DIP2B: variants seen among roughly 807,000 people sequenced by gnomAD.
DIP2B encodes the protein disco-interacting protein 2 homolog B.
DIP2B carries 76 observed loss-of-function variants against 198.0 expected under a neutral mutation model. The observed-to-expected ratio is 0.38, with a 90% CI of 0.32 to 0.46. The LOEUF (loss-of-function observed/expected upper bound fraction) is 0.46, where lower values mean the gene tolerates loss of function less well. Ranked by LOEUF, DIP2B falls within the 20% of genes least tolerant of loss-of-function variation. DIP2B has a pLI of 0.99. For missense variants in DIP2B, 1,559 were observed against 1,978.4 expected (o/e 0.79, Z 4.02); for synonymous variants, 701 against 739.1 (o/e 0.95, Z 0.84).
At chr12:50,640,639 A>G in intron 2 of DIP2B, 85 bp from the exon 3 acceptor site, 2 of 1,452,116 alleles carry the variant, frequency 1.4e-6, no homozygotes, top group African/African-American at 2.8e-5. Context: ...CCTAGCTCAG[A>G]GTATTGTGAG....
intron 1 of DIP2B, among the ~76,000 whole-genome samples, chr12:50,602,635 C>T (rs923677066): frequency 1.3e-5 from 2 of 151,804 alleles, no homozygotes; most frequent in Non-Finnish European, 2.9e-5. Flanking sequence ...CCGAGGCTGG[C>T]GGATCACGAG....
chr12:50,676,192 TGATAATTATA>T (rs1938942610), intron 7 of DIP2B, among the ~76,000 whole-genome samples: 1 of 152,168 alleles, frequency 6.6e-6, no homozygotes, highest in South Asian at 2.1e-4. Context: ...AATGGCCATT[TGATAATTATA>T]GAGTGATGAC....
intron 19 of DIP2B, 122 bp downstream of exon 19, chr12:50,699,324 G>C: frequency 1.4e-6 from 2 of 1,412,722 alleles, no homozygotes; most frequent in Non-Finnish European, 1.9e-6. Context: ...TCTGGAGCTA[G>C]ACTTGCCTAA....
chr12:50,739,831 T>C (rs1940208754), intron 36 of DIP2B, among the ~76,000 whole-genome samples: 1 of 152,252 alleles, frequency 6.6e-6, no homozygotes, highest in Non-Finnish European at 1.5e-5. Context: ...ATGTGCCTGA[T>C]GGCAAGTGAG....
intron 1 of DIP2B, among the ~76,000 whole-genome samples, chr12:50,505,926 C>A (rs1368353013): frequency 3.3e-5 from 5 of 151,112 alleles, no homozygotes; most frequent in African/African-American, 1.2e-4. Context: ...CTTTTGGAGT[C>A]TTTGATGAAG....
chr12:50,519,129 G>A (rs1273808298), intron 1 of DIP2B, among the ~76,000 whole-genome samples: 1 of 152,138 alleles, frequency 6.6e-6, no homozygotes, highest in Non-Finnish European at 1.5e-5. Flanking sequence ...CAGAGAAAAA[G>A]GTATAGGGGT....
At chr12:50,554,983 G>T (rs1037822897) in intron 1 of DIP2B, among the ~76,000 whole-genome samples, 3 of 140,638 alleles carry the variant, frequency 2.1e-5, no homozygotes, top group Admixed American at 1.5e-4. Context: ...TGGCCAGGAT[G>T]GTCTCTTGTC....
chr12:50,591,936 G>A (rs2139430270), intron 1 of DIP2B, among the ~76,000 whole-genome samples: 1 of 150,162 alleles, frequency 6.7e-6, no homozygotes, highest in African/African-American at 2.5e-5. Context: ...AGAGTGCAGT[G>A]GTGCGATCTT....
At chr12:50,718,048 T>C (rs1939765369) in intron 23 of DIP2B, among the ~76,000 whole-genome samples, 1 of 151,854 alleles carries the variant, frequency 6.6e-6, no homozygotes, top group Admixed American at 6.6e-5. Context: ...TACAGGTGTG[T>C]ACCACCACGC....
intron 1 of DIP2B, among the ~76,000 whole-genome samples, chr12:50,605,325 T>C (rs1459937085): frequency 6.6e-6 from 1 of 152,178 alleles, no homozygotes; most frequent in East Asian, 1.9e-4. Flanking sequence ...CTCATGCCTG[T>C]AGTCCCAGTA....
intron 1 of DIP2B, among the ~76,000 whole-genome samples, chr12:50,544,256 A>G (rs991282763): frequency 2.0e-5 from 3 of 152,048 alleles, no homozygotes; most frequent in Non-Finnish European, 4.4e-5. Flanking sequence ...AAGAAAATGA[A>G]TATTTCCTTA....
At chr12:50,594,910 C>G (rs879885844) in intron 1 of DIP2B, among the ~76,000 whole-genome samples, 4 of 152,182 alleles carry the variant, frequency 2.6e-5, no homozygotes, top group Admixed American at 6.6e-5. Context: ...TGTGAAATAA[C>G]TGTCAGGTTT....
At chr12:50,539,866 T>C (rs1252747292) in intron 1 of DIP2B, among the ~76,000 whole-genome samples, 1 of 152,036 alleles carries the variant, frequency 6.6e-6, no homozygotes, top group Non-Finnish European at 1.5e-5. Context: ...TTCTATGAAT[T>C]TTCTATGAGT....
At chr12:50,629,768 A>G (rs1299310460) in intron 2 of DIP2B, among the ~76,000 whole-genome samples, 2 of 151,984 alleles carry the variant, frequency 1.3e-5, no homozygotes, top group East Asian at 1.9e-4. Context: ...ACCAACTACA[A>G]CATCCAACCT....
At chr12:50,524,673 C>T (rs1400148220) in intron 1 of DIP2B, among the ~76,000 whole-genome samples, 1 of 152,196 alleles carries the variant, frequency 6.6e-6, no homozygotes, top group African/African-American at 2.4e-5. Flanking sequence ...AACACCCCTC[C>T]CCTTAGGGGG....
intron 25 of DIP2B, among the ~76,000 whole-genome samples, chr12:50,719,708 G>A (rs554756334): frequency 6.7e-4 from 102 of 151,872 alleles, no homozygotes; most frequent in African/African-American, 2.4e-3. Flanking sequence ...GGGCGTGGTG[G>A]CGGGCACCTG....
chr12:50,699,654 A>G (rs917483321), intron 19 of DIP2B, among the ~76,000 whole-genome samples: 7 of 152,062 alleles, frequency 4.6e-5, no homozygotes, highest in African/African-American at 1.4e-4. Context: ...AGACCAGGCA[A>G]TGTAGCAATG....
intron 1 of DIP2B, among the ~76,000 whole-genome samples, chr12:50,571,257 C>T (rs1412526627): frequency 2.0e-5 from 3 of 151,466 alleles, no homozygotes; most frequent in African/African-American, 7.3e-5. Context: ...CTGCAACCTC[C>T]ACCTCCTGGG....
Position 50,708,505 on chromosome 12 carries a change from A to G in DIP2B, c.2592A>G (p.Glu864=). The G allele has an allele frequency of 6.2e-7, 1 of 1,608,654 alleles. No homozygotes were observed. The highest frequency in any genetic ancestry group is 8.5e-7 in the Non-Finnish European group (1 of 1,177,260). Reference sequence around the variant, plus strand: ...ATGAGCGCATTGTGGTGGTTGCGGAACAAAGACCTGATGCTTCTGAGGAAG... The same window carrying G: ...ATGAGCGCATTGTGGTGGTTGCGGAGCAAAGACCTGATGCTTCTGAGGAAG... ...FYDERIVVVA[E]QRPDASEEDS... is the part of the protein sequence containing the mutation. The change falls in exon 22 of 38, where the codon GAA becomes GAG. Residue 864 remains glutamate, a synonymous_variant. Transcript: ENST00000301180.
Sources: allele counts gnomAD v4.1 joint callset (sites outside exome capture counted in the v4.1 genomes callset), GRCh38; gene constraint gnomAD v4.1.1; transcripts MANE v1.5; gene names NCBI Gene and HGNC (gene_info 2026-07-23, HGNC 2026-07-21).